The following TMEM167A variants were observed in gnomAD, a reference collection of about 807,000 sequenced individuals.
The protein encoded by TMEM167A is protein kish-A.
Under a neutral mutation model 11.6 loss-of-function variants are expected in TMEM167A, and 8 were observed. The observed-to-expected ratio is 0.69, with a 90% CI of 0.40 to 1.24. The LOEUF (loss-of-function observed/expected upper bound fraction) is 1.24, where lower values mean the gene tolerates loss of function less well. Among genes scored for constraint, TMEM167A ranks in the 50% most tolerant of loss-of-function variants. The pLI is 0.01. For synonymous variants in TMEM167A, 22 were observed against 28.0 expected (o/e 0.79, Z 0.67); for missense variants, 62 against 87.0 (o/e 0.71, Z 1.14).
At position 83,056,937 on chromosome 5, in the gene TMEM167A, A is replaced by C; in HGVS notation, c.*147T>G. Reference sequence around the variant, plus strand: ...TGTTTATACAGAACATTGGTCCAATAACATTAAAATAGAGAACAGCATCTG... The same window carrying C: ...TGTTTATACAGAACATTGGTCCAATCACATTAAAATAGAGAACAGCATCTG... On this transcript the variant is annotated 3_prime_UTR_variant, in exon 4 of 4. Coordinates refer to ENST00000502346, the MANE Select transcript of TMEM167A (RefSeq NM_174909.5). 1 of 734,682 alleles carries C rather than the reference A, an allele frequency of 1.4e-6. No homozygotes were observed. Among genetic ancestry groups the C allele is most frequent in the Non-Finnish European group, 2.4e-6 (1 of 425,390 alleles). 45.5% of individuals were successfully genotyped at this position (734,682 alleles called of 1,614,324 possible).
At chr5:83,076,021 CAA>C (rs1006577839) in intron 1 of TMEM167A, among the ~76,000 whole-genome samples, 3 of 152,142 alleles carry the variant, frequency 2.0e-5, no homozygotes, top group Admixed American at 6.5e-5. Flanking sequence ...TTATAAGAAA[CAA>C]ATCACTAAGT....
At chr5:83,070,216 T>C (rs1000471666) in intron 1 of TMEM167A, among the ~76,000 whole-genome samples, 3 of 152,176 alleles carry the variant, frequency 2.0e-5, no homozygotes, top group Admixed American at 1.3e-4. Context: ...TTAAGAGATA[T>C]ACACTTTCAA....
At chr5:83,065,774 T>C (rs905171309) in intron 1 of TMEM167A, among the ~76,000 whole-genome samples, 7 of 152,174 alleles carry the variant, frequency 4.6e-5, no homozygotes, top group Non-Finnish European at 1.0e-4. Context: ...TATTTAATAG[T>C]TTGAGTCTTA....
intron 2 of TMEM167A, chr5:83,064,123 G>A: frequency 2.6e-6 from 1 of 380,090 alleles, no homozygotes; most frequent in Non-Finnish European, 5.1e-6. Flanking sequence ...AGAAATAAAG[G>A]TTTTAAAAAA....
At position 83,077,391 on chromosome 5, in the gene TMEM167A, G is replaced by A. The variant is rs1172549941; in HGVS notation, c.-68C>T. The A allele has an allele frequency of 1.2e-6, 2 of 1,612,350 alleles. No individual in the cohort carries two copies. Among genetic ancestry groups the A allele is most frequent in the Non-Finnish European group, 1.7e-6 (2 of 1,178,474 alleles). ...TCAGGCGGAAGAGGCTGCATGTCCCGTCTGCCCTTCTCGCCCTCTCCAGCC... is the reference window on the plus strand; with the variant it reads ...TCAGGCGGAAGAGGCTGCATGTCCCATCTGCCCTTCTCGCCCTCTCCAGCC... On this transcript the variant is annotated 5_prime_UTR_variant, in exon 1 of 4. In the 5' UTR this introduces an upstream ATG that the reference lacks. Coordinates refer to ENST00000502346, the MANE Select transcript of TMEM167A (RefSeq NM_174909.5).
At chr5:83,069,580 G>A (rs111323530) in intron 1 of TMEM167A, among the ~76,000 whole-genome samples, 392 of 151,974 alleles carry the variant, frequency 2.6e-3, no homozygotes, top group African/African-American at 8.7e-3. Context: ...TGACTCATGC[G>A]TCCAATCTCA....
intron 1 of TMEM167A, among the ~76,000 whole-genome samples, chr5:83,067,249 C>CAAA (rs144860721): frequency 1.1e-4 from 16 of 151,260 alleles, no homozygotes; most frequent in Non-Finnish European, 1.2e-4. Context: ...ATCTTAAAAA[C>CAAA]AAAAAAATGG....
chr5:83,076,426 TAGA>T (rs1228624292), intron 1 of TMEM167A, among the ~76,000 whole-genome samples: 1 of 152,208 alleles, frequency 6.6e-6, no homozygotes, highest in Admixed American at 6.5e-5. Flanking sequence ...GCACTACGAG[TAGA>T]AGAATTCAAC....
chr5:83,074,189 T>C (rs1443922976), intron 1 of TMEM167A, among the ~76,000 whole-genome samples: 2 of 152,264 alleles, frequency 1.3e-5, no homozygotes, highest in Non-Finnish European at 2.9e-5. Context: ...ACTTGACTTC[T>C]TTTTATTCCT....
At chr5:83,058,831 A>G (rs1744368548) in intron 3 of TMEM167A, among the ~76,000 whole-genome samples, 1 of 152,112 alleles carries the variant, frequency 6.6e-6, no homozygotes, top group South Asian at 2.1e-4. Flanking sequence ...CTTTAGTTGA[A>G]CTTGGGTTTT....
intron 3 of TMEM167A, among the ~76,000 whole-genome samples, chr5:83,058,938 T>C (rs961240563): frequency 1.2e-4 from 18 of 152,076 alleles, no homozygotes; most frequent in African/African-American, 4.3e-4. Context: ...TGGCTAGGTC[T>C]TTTCCCATTA....
chr5:83,063,061 T>C (rs1303026319), intron 2 of TMEM167A, among the ~76,000 whole-genome samples: 2 of 152,066 alleles, frequency 1.3e-5, no homozygotes, highest in African/African-American at 4.8e-5. Flanking sequence ...TAGTTTAGAT[T>C]AAATGGAATT....
intron 1 of TMEM167A, among the ~76,000 whole-genome samples, chr5:83,069,624 T>C (rs1744532548): frequency 2.0e-5 from 3 of 152,088 alleles, no homozygotes; most frequent in Non-Finnish European, 4.4e-5. Flanking sequence ...GTCTTTCCTG[T>C]TCCCACTCAC....
chr5:83,077,267 G>C, intron 1 of TMEM167A, 54 bp downstream of exon 1: 1 of 1,614,074 alleles, frequency 6.2e-7, no homozygotes. Flanking sequence ...CCCTAGTCTA[G>C]ATCCACAACC....
Position 83,077,387 on chromosome 5 carries a change from T to A in TMEM167A, c.-64A>T, listed in dbSNP as rs370015047. ...GGGCTCAGGCGGAAGAGGCTGCATG[T>A]CCCGTCTGCCCTTCTCGCCCTCTCC... On this transcript the variant is annotated 5_prime_UTR_variant, in exon 1 of 4. Transcript: ENST00000502346. 3.1e-6 allele frequency: 5 copies of A among 1,613,308 alleles called. No homozygotes were observed. Among genetic ancestry groups the A allele is most frequent in the Non-Finnish European group, 8.5e-7 (1 of 1,179,294 alleles).
intron 3 of TMEM167A, among the ~76,000 whole-genome samples, chr5:83,058,610 C>G (rs2112238408): frequency 1.3e-5 from 2 of 152,172 alleles, no homozygotes; most frequent in Middle Eastern, 3.4e-3. Flanking sequence ...GTCACTCTTA[C>G]TAGGGCTATA....
At chr5:83,068,153 T>C (rs1744510566) in intron 1 of TMEM167A, among the ~76,000 whole-genome samples, 2 of 152,148 alleles carry the variant, frequency 1.3e-5, no homozygotes, top group South Asian at 2.1e-4. Flanking sequence ...ATAAATAATA[T>C]TGGATAATGA....
At position 83,058,625 on chromosome 5, in the gene TMEM167A, C is replaced by G. The variant is rs547863587; in HGVS notation, c.149-1471G>C. Among the ~76,000 whole-genome samples, 47 of 152,146 alleles carry G rather than the reference C, an allele frequency of 3.1e-4. No homozygotes were observed. The South Asian group carries it at 9.1e-3, about 30-fold the overall frequency. ...GTCACTCTTACTAGGGCTATATACC[C>G]TCATCTCATAGAGTCTTATTAAATA... is the stretch of plus-strand genomic sequence containing the variant. On this transcript the variant is annotated intron_variant, in intron 3 of 3. Transcript: ENST00000502346.
intron 3 of TMEM167A, among the ~76,000 whole-genome samples, chr5:83,058,803 T>C (rs143285791): frequency 3.9e-5 from 6 of 152,214 alleles, no homozygotes; most frequent in African/African-American, 1.4e-4. Context: ...GAGACTGCCA[T>C]GTGGTAGAGC....
Sources: allele counts gnomAD v4.1 joint callset (sites outside exome capture counted in the v4.1 genomes callset), GRCh38; gene constraint gnomAD v4.1.1; transcripts MANE v1.5; gene names NCBI Gene and HGNC (gene_info 2026-07-23, HGNC 2026-07-21).